Variants in SNAI3 observed in about 807,000 individuals in gnomAD.
SNAI3 encodes snail family transcriptional repressor 3, also known as zinc finger protein SNAI3.
SNAI3 carries 21 observed loss-of-function variants against 16.4 expected under a neutral mutation model. The ratio of observed to expected loss-of-function variants is 1.28; its 90% CI spans 0.91 to 1.85. The LOEUF (loss-of-function observed/expected upper bound fraction) is 1.85. Ranked by LOEUF, SNAI3 falls within the 40% of genes most tolerant of loss-of-function variation. The pLI is 0.00. For missense variants in SNAI3, 457 were observed against 372.8 expected, an observed-to-expected ratio of 1.23 and a Z score of -1.86; for synonymous variants, 202 against 166.6, an observed-to-expected ratio of 1.21 and a Z score of -1.64.
Position 88,680,275 on chromosome 16 carries a change from ATT to A in SNAI3, c.697+817_697+818del, listed in dbSNP as rs560411217. Among the ~76,000 whole-genome samples the A allele has an allele frequency of 8.6e-3, 474 of 55,000 alleles. 1 individual carries two copies. The highest frequency in any genetic ancestry group is 0.035 in the African/African-American group (442 of 12,564). 36.1% of individuals were successfully genotyped at this position (55,000 alleles called of 152,430 possible). ...GTACTTTAATGGCATTATGTTTTTG[ATT>A]TTTTTTTTTTTTTTTTTTTTTTTTT... On this transcript the variant is annotated intron_variant, in intron 2 of 2. Transcript: ENST00000332281.
At position 88,681,548 on chromosome 16, in the gene SNAI3, C is replaced by A. The variant is rs1040050915; in HGVS notation, c.243G>T (p.Gly81=). 1 of 1,513,008 alleles carries A rather than the reference C, an allele frequency of 6.6e-7. No homozygotes were observed. The highest frequency in any genetic ancestry group is 8.9e-7 in the Non-Finnish European group (1 of 1,129,442). 93.7% of individuals were successfully genotyped at this position (1,513,008 alleles called of 1,614,324 possible). A position where few individuals can be genotyped will look rare whatever the true frequency, so the allele number is the denominator to read the frequency against. ...CTTCCAAGGCGTCCAGCCCAGAGGC[C>A]CCCAGAGCTTCCTCGATCCGTGGCA... ...PLLPRIEEAL[G]ASGLDALEVS... The change falls in exon 2 of 3, where the codon GGG becomes GGT. Residue 81 remains glycine (G), a synonymous_variant. Coordinates refer to ENST00000332281, the MANE Select transcript of SNAI3 (RefSeq NM_178310.4). This position sits in a 1 kb window ranked among gnomAD's most constrained non-coding sequence, Gnocchi z 5.4.
At chr16:88,683,167 C>T (rs561436337) in intron 1 of SNAI3, among the ~76,000 whole-genome samples, 1 of 146,056 alleles carries the variant, frequency 6.8e-6, no homozygotes, top group Admixed American at 7.1e-5. Context: ...CTCACTGCAA[C>T]CTGCAACCTC....
chr16:88,678,316 G>A lies in SNAI3; in HGVS notation c.*132C>T, dbSNP rs377481667. The A allele has an allele frequency of 1.9e-5, 11 of 593,258 alleles. No individual in the cohort carries two copies. Among genetic ancestry groups the A allele is most frequent in the South Asian group, 8.0e-5 (4 of 50,168 alleles). The allele number at this position is 593,258 out of a possible 1,614,324, so 36.7% of individuals were successfully genotyped here. A position where few individuals can be genotyped will look rare whatever the true frequency, so the allele number is the denominator to read the frequency against. ...TGGACTTCTTTGGTTCTGATTGGAC[G>A]CAGATGTGGAGGACGCACCAAGTGT... is the stretch of plus-strand genomic sequence containing the variant. On this transcript the variant is annotated 3_prime_UTR_variant, in exon 3 of 3. Transcript: ENST00000332281.
Position 88,681,795 on chromosome 16 carries a change from C to T in SNAI3, c.77-81G>A. 2 of 1,313,042 alleles carry T rather than the reference C, an allele frequency of 1.5e-6. No homozygotes were observed. Among genetic ancestry groups the T allele is most frequent in the Non-Finnish European group, 1.9e-6 (2 of 1,027,440 alleles). 81.3% of individuals were successfully genotyped at this position (1,313,042 alleles called of 1,614,324 possible). A position where few individuals can be genotyped will look rare whatever the true frequency, so the allele number is the denominator to read the frequency against. On this transcript the variant is annotated intron_variant, in intron 1 of 2. Transcript: ENST00000332281. This position sits in a 1 kb window ranked among gnomAD's most constrained non-coding sequence, Gnocchi z 5.4. ...GTGTTTTCCAACTCTGATTCGTGGA[C>T]CCAGTCACAGCCCATCAGCAGCCTG... is the stretch of plus-strand genomic sequence containing the variant.
In SNAI3 at chr16:88,681,735, G is replaced by GA; in HGVS notation, c.77-22dup. ...GATTTCTAGAGGGGTGGAGGGGAGA[G>GA]AATAGAAAGATGAAGACTGAATCCC... On this transcript the variant is annotated intron_variant, in intron 1 of 2. Transcript: ENST00000332281. This position sits in a 1 kb window ranked among gnomAD's most constrained non-coding sequence, Gnocchi z 5.4. 4 of 1,414,940 alleles carry GA rather than the reference G, an allele frequency of 2.8e-6. No homozygotes were observed. The highest frequency in any genetic ancestry group is 3.7e-6 in the Non-Finnish European group (4 of 1,079,760). 87.6% of individuals were successfully genotyped at this position (1,414,940 alleles called of 1,614,324 possible). A position where few individuals can be genotyped will look rare whatever the true frequency, so the allele number is the denominator to read the frequency against.
rs137973549 is a variant in SNAI3, at chr16:88,681,602, C to T, written c.189G>A (p.Ser63=). 2.5e-4 allele frequency: 372 copies of T among 1,498,928 alleles called. 1 individual carries two copies. In the African/African-American group the frequency reaches 4.3e-3, roughly 17 times the overall value. 92.9% of individuals were successfully genotyped at this position (1,498,928 alleles called of 1,614,324 possible). A position where few individuals can be genotyped will look rare whatever the true frequency, so the allele number is the denominator to read the frequency against. The change falls in exon 2 of 3, where the codon TCG becomes TCA. Residue 63 remains serine, a synonymous_variant. Transcript: ENST00000332281. The surrounding 1 kb of genome is among the most constrained non-coding windows in gnomAD (Gnocchi z 5.4). ...GDLPQPWDRS[S]AVACISLPLL... is the part of the protein sequence containing the mutation. ...GGGGCAGGGAGATGCAGGCGACGGC[C>T]GAGGAGCGGTCCCAGGGCTGGGGAA...
At chr16:88,684,825 G>T (rs963657085) in intron 1 of SNAI3, among the ~76,000 whole-genome samples, 6 of 152,192 alleles carry the variant, frequency 3.9e-5, no homozygotes, top group Non-Finnish European at 8.8e-5. Context: ...TGGCTTCAGG[G>T]GTTCCCTGGG....
At position 88,686,429 on chromosome 16, in the gene SNAI3, C is replaced by A. The variant is rs762239626; in HGVS notation, c.-23G>T. Reference sequence around the variant, plus strand: ...CATGTTCCCCTCCCGGGCGGCAGGCCGGGGTGGGCTGGGGCGGGAGGGGCG... The same window carrying A: ...CATGTTCCCCTCCCGGGCGGCAGGCAGGGGTGGGCTGGGGCGGGAGGGGCG... On this transcript the variant is annotated 5_prime_UTR_variant, in exon 1 of 3. Coordinates refer to ENST00000332281, the MANE Select transcript of SNAI3 (RefSeq NM_178310.4). 3.8e-6 allele frequency: 6 copies of A among 1,592,448 alleles called. No individual in the cohort carries two copies. The highest frequency in any genetic ancestry group is 3.4e-6 in the Non-Finnish European group (4 of 1,170,200).
rs146025536 is a variant in SNAI3, at chr16:88,681,567, C to T, written c.224G>A (p.Arg75Gln). Reference protein sequence around the residue: ...VACISLPLLPRIEEALGASGL... With the variant: ...VACISLPLLPQIEEALGASGL... ...AGAGGCCCCCAGAGCTTCCTCGATC[C>T]GTGGCAGGAGGGGCAGGGAGATGCA... is the stretch of plus-strand genomic sequence containing the variant. The change falls in exon 2 of 3, where the codon CGG becomes CAG. Residue 75 changes from arginine (R) to glutamine (Q), a missense_variant. Arg to Gln is a conservative substitution (Grantham distance 43). Coordinates refer to ENST00000332281, the MANE Select transcript of SNAI3 (RefSeq NM_178310.4). This position sits in a 1 kb window ranked among gnomAD's most constrained non-coding sequence, Gnocchi z 5.4. 2.7e-5 allele frequency: 41 copies of T among 1,508,102 alleles called. No homozygotes were observed. Among genetic ancestry groups the T allele is most frequent in the South Asian group, 5.4e-5 (4 of 74,596 alleles). The allele number at this position is 1,508,102 out of a possible 1,614,324, so 93.4% of individuals were successfully genotyped here.
At chr16:88,685,472 G>C (rs977488994) in intron 1 of SNAI3, 2 of 152,286 alleles carry the variant, frequency 1.3e-5, no homozygotes, top group African/African-American at 4.8e-5. Context: ...CAGAGCGTGA[G>C]TCCCGACCAC....
chr16:88,682,761 G>GTTTTTTTTT (rs1567627587), intron 1 of SNAI3, among the ~76,000 whole-genome samples: 2 of 81,920 alleles, frequency 2.4e-5, no homozygotes, highest in African/African-American at 4.1e-5. Context: ...ATGGGCAAGG[G>GTTTTTTTTT]ATTTTTTTTT....
intron 2 of SNAI3, chr16:88,678,976 G>A (rs1909070396): frequency 2.0e-6 from 2 of 985,318 alleles, no homozygotes; most frequent in African/African-American, 1.7e-5. Context: ...AGAATCCAGG[G>A]CAGGGGCAGA....
chr16:88,678,744 G>C (rs1909063016), intron 2 of SNAI3, 115 bp from the exon 3 acceptor site: 1 of 1,459,784 alleles, frequency 6.9e-7, no homozygotes, highest in Non-Finnish European at 9.0e-7. Context: ...CTCACAGCCA[G>C]AGCACCCAAG....
chr16:88,681,781 C>G lies in SNAI3; in HGVS notation c.77-67G>C. ...ATCCCCAGCACTTTGTGTTTTCCAA[C>G]TCTGATTCGTGGACCCAGTCACAGC... On this transcript the variant is annotated intron_variant, in intron 1 of 2. Transcript: ENST00000332281. This position sits in a 1 kb window ranked among gnomAD's most constrained non-coding sequence, Gnocchi z 5.4. The G allele has an allele frequency of 7.4e-7, 1 of 1,343,612 alleles. No individual in the cohort carries two copies. Among genetic ancestry groups the G allele is most frequent in the East Asian group, 2.7e-5 (1 of 37,704 alleles). 83.2% of individuals were successfully genotyped at this position (1,343,612 alleles called of 1,614,324 possible). A position where few individuals can be genotyped will look rare whatever the true frequency, so the allele number is the denominator to read the frequency against.
rs377653123 is a variant in SNAI3 at position 88,678,407 on chromosome 16, G to T, written c.*41C>A. ...GGGCAGGAGGGACGCCAGCTCTCCC[G>T]GTGAGGACCATCCCTCCTACCTGCG... On this transcript the variant is annotated 3_prime_UTR_variant, in exon 3 of 3. Transcript: ENST00000332281. 1 of 718,118 alleles carries T rather than the reference G, an allele frequency of 1.4e-6. No homozygotes were observed. The allele number at this position is 718,118 out of a possible 1,614,324, so 44.5% of individuals were successfully genotyped here. A position where few individuals can be genotyped will look rare whatever the true frequency, so the allele number is the denominator to read the frequency against.
chr16:88,686,290 G>A (rs1597395170), intron 1 of SNAI3, 41 bp downstream of exon 1: 1 of 1,603,318 alleles, frequency 6.2e-7, no homozygotes, highest in Admixed American at 1.7e-5. Context: ...GCCCCTCAGG[G>A]TCGAGTCCCG....
chr16:88,680,275 AT>A (rs560411217), intron 2 of SNAI3, among the ~76,000 whole-genome samples: 2,935 of 54,908 alleles, frequency 0.053, 12 homozygotes, highest in African/African-American at 0.19. Context: ...TATGTTTTTG[AT>A]TTTTTTTTTT....
rs764556058 is a variant in SNAI3 at position 88,681,090 on chromosome 16, C to G, written c.697+4G>C. The G allele has an allele frequency of 3.1e-6, 5 of 1,606,310 alleles. No individual in the cohort carries two copies. The South Asian group carries it at 5.5e-5, about 18-fold the overall frequency. On this transcript the variant is annotated splice_donor_region_variant and intron_variant, in intron 2 of 2. Coordinates refer to ENST00000332281, the MANE Select transcript of SNAI3 (RefSeq NM_178310.4). This position sits in a 1 kb window ranked among gnomAD's most constrained non-coding sequence, Gnocchi z 5.4. ...CGTCCTTGCAGACCTTCACCCTGTC[C>G]TACCTGTGTGGGTGCGGACATGGCC... is the stretch of plus-strand genomic sequence containing the variant.
In SNAI3 at chr16:88,686,321, T is replaced by C; in HGVS notation, c.76+10A>G. Reference sequence around the variant, plus strand: ...TCCCGGCAGGGGCTCGGGGATCGGGTAGTCAGTACCTCTCTGCGTCTCCAG... The same window carrying C: ...TCCCGGCAGGGGCTCGGGGATCGGGCAGTCAGTACCTCTCTGCGTCTCCAG... On this transcript the variant is annotated intron_variant, in intron 1 of 2. Transcript: ENST00000332281. 2 of 1,608,726 alleles carry C rather than the reference T, an allele frequency of 1.2e-6. No homozygotes were observed. Among genetic ancestry groups the C allele is most frequent in the Non-Finnish European group, 1.7e-6 (2 of 1,178,326 alleles).
Sources: allele counts gnomAD v4.1 joint callset (sites outside exome capture counted in the v4.1 genomes callset), GRCh38; gene constraint gnomAD v4.1.1; non-coding constraint Gnocchi (gnomAD v3.1); transcripts MANE v1.5; gene names NCBI Gene and HGNC (gene_info 2026-07-23, HGNC 2026-07-21).